KMT2E: variants seen among roughly 807,000 people sequenced by gnomAD.
The protein encoded by KMT2E is lysine methyltransferase 2E (inactive).
KMT2E carries 30 observed loss-of-function variants against 184.6 expected under a neutral mutation model. The ratio of observed to expected loss-of-function variants is 0.16; its 90% CI spans 0.12 to 0.22. KMT2E has a LOEUF of 0.22. Ranked by LOEUF, KMT2E falls within the 10% of genes least tolerant of loss-of-function variation. The pLI, the probability that KMT2E is intolerant of heterozygous loss-of-function variation, is 1.00. For synonymous variants in KMT2E, 815 were observed against 776.5 expected, an observed-to-expected ratio of 1.05 and a Z score of -0.82; for missense variants, 2,023 against 2,237.4, an observed-to-expected ratio of 0.90 and a Z score of 1.93.
chr7:105,073,621 A>G lies in KMT2E; in HGVS notation c.500A>G (p.Asn167Ser). 2 of 1,592,488 alleles carry G rather than the reference A, an allele frequency of 1.3e-6. No homozygotes were observed. The highest frequency in any genetic ancestry group is 1.3e-5 in the African/African-American group (1 of 74,602). The change falls in exon 7 of 27, where the codon AAT becomes AGT. Residue 167 changes from asparagine to serine, a missense_variant and splice_region_variant. Physicochemically the swap from Asn to Ser is conservative, Grantham distance 46. Around this residue, in one of 8 missense-constraint regions of KMT2E, gnomAD observed 30 missense variants for 80.6 expected, o/e 0.37. Coordinates refer to ENST00000311117, the MANE Select transcript of KMT2E (RefSeq NM_182931.3). ...ATTATGCTAATTTTTTAATGTAGGA[A>G]TTTGGATAAAGAGAGGGCAGTGCTA... ...TYLCERCQPR[N>S]LDKERAVLLQ...
chr7:105,107,119 C>A, intron 20 of KMT2E, 47 bp from the exon 21 acceptor site: 1 of 980,592 alleles, frequency 1.0e-6, no homozygotes, highest in Non-Finnish European at 1.5e-6. Context: ...TATGGATATA[C>A]TTACGTATTT....
chr7:105,064,028 C>T (rs1326711616), intron 5 of KMT2E: 1 of 455,152 alleles, frequency 2.2e-6, no homozygotes, highest in African/African-American at 2.0e-5. Context: ...AACCTTGCAG[C>T]ACTCTGGAGT....
At chr7:105,085,519 GC>G (rs558861972) in intron 13 of KMT2E, among the ~76,000 whole-genome samples, 42 of 152,178 alleles carry the variant, frequency 2.8e-4, no homozygotes, top group Non-Finnish European at 4.7e-4. Context: ...CTACACTCCA[GC>G]CTGGGCAACA....
rs954500321 is a variant in KMT2E at position 105,102,059 on chromosome 7, T to C, written c.2061T>C (p.Thr687=). The change falls in exon 17 of 27, where the codon ACT becomes ACC. Residue 687 remains threonine, a synonymous_variant. Transcript: ENST00000311117. ...IQPSSPDIEV[T]SQQNDIENTV... is the part of the protein sequence containing the mutation. Reference sequence around the variant, plus strand: ...CATCTTCTCCTGATATAGAAGTTACTTCACAACAAAATGATATTGAAAATA... The same window carrying C: ...CATCTTCTCCTGATATAGAAGTTACCTCACAACAAAATGATATTGAAAATA... 4 of 1,613,950 alleles carry C rather than the reference T, an allele frequency of 2.5e-6. No individual in the cohort carries two copies. In the Admixed American group the frequency reaches 5.0e-5, roughly 20 times the overall value.
At chr7:105,098,557 C>CACA (rs1798520463) in intron 15 of KMT2E, among the ~76,000 whole-genome samples, 2 of 152,104 alleles carry the variant, frequency 1.3e-5, no homozygotes, top group African/African-American at 4.8e-5. Context: ...AGGCGCGTGC[C>CACA]ACACCTGGCT....
At chr7:105,050,620 CCTTTT>C (rs986089503) in intron 3 of KMT2E, among the ~76,000 whole-genome samples, 48 of 147,872 alleles carry the variant, frequency 3.2e-4, no homozygotes, top group African/African-American at 1.0e-3. Context: ...TATTTTTTTT[CCTTTT>C]CTTTTCTTTT....
At chr7:105,022,927 GGAA>G (rs1795013546) in intron 1 of KMT2E, among the ~76,000 whole-genome samples, 1 of 151,926 alleles carries the variant, frequency 6.6e-6, no homozygotes, top group Non-Finnish European at 1.5e-5. Flanking sequence ...TAAATTTTAA[GGAA>G]GAAAAGTATA....
chr7:105,019,033 A>G (rs901397314), intron 1 of KMT2E, among the ~76,000 whole-genome samples: 1 of 152,138 alleles, frequency 6.6e-6, no homozygotes, highest in Admixed American at 6.5e-5. Flanking sequence ...AGCAATTGCA[A>G]TATTTTTAAT....
chr7:105,051,024 G>T (rs1211366529), intron 3 of KMT2E, among the ~76,000 whole-genome samples: 1 of 150,768 alleles, frequency 6.6e-6, no homozygotes, highest in African/African-American at 2.4e-5. Flanking sequence ...ACAGCACCAG[G>T]CCTCATCTAT....
At chr7:105,097,802 C>T (rs769590638) in intron 15 of KMT2E, among the ~76,000 whole-genome samples, 2 of 152,160 alleles carry the variant, frequency 1.3e-5, no homozygotes, top group East Asian at 3.8e-4. Context: ...AGTTACATGT[C>T]TTTAAGTAAC....
intron 6 of KMT2E, among the ~76,000 whole-genome samples, chr7:105,070,992 T>C (rs922448338): frequency 3.0e-4 from 46 of 152,212 alleles, no homozygotes; most frequent in African/African-American, 1.1e-3. Flanking sequence ...TAGACAAATA[T>C]ATAAAGCAAG....
intron 1 of KMT2E, among the ~76,000 whole-genome samples, chr7:105,033,074 G>A (rs955882055): frequency 2.0e-5 from 3 of 152,196 alleles, no homozygotes; most frequent in African/African-American, 7.2e-5. Context: ...AAGTACAAAT[G>A]CCTACTCTAC....
intron 26 of KMT2E, among the ~76,000 whole-genome samples, chr7:105,111,562 G>A (rs1799279119): frequency 6.6e-6 from 1 of 151,968 alleles, no homozygotes; most frequent in Non-Finnish European, 1.5e-5. Flanking sequence ...GCAGAGTAAA[G>A]TGAAAGAAAA....
At chr7:105,028,712 C>T (rs989481272) in intron 1 of KMT2E, among the ~76,000 whole-genome samples, 3 of 151,782 alleles carry the variant, frequency 2.0e-5, no homozygotes, top group African/African-American at 7.3e-5. Flanking sequence ...CCATGTTGTC[C>T]AGGGTGGTCT....
rs546611500 is a variant in KMT2E at position 105,041,266 on chromosome 7, A to C, written c.71+243A>C. Among the ~76,000 whole-genome samples the C allele has an allele frequency of 2.6e-5, 4 of 152,140 alleles. No individual in the cohort carries two copies. In the South Asian group the frequency reaches 8.3e-4, roughly 32 times the overall value. ...ATTATTGGATTGAGGTATTGACATGACTTATTTTGACTCCAAATTTCTGAG... is the reference window on the plus strand; with the variant it reads ...ATTATTGGATTGAGGTATTGACATGCCTTATTTTGACTCCAAATTTCTGAG... On this transcript the variant is annotated intron_variant, in intron 3 of 26. Coordinates refer to ENST00000311117, the MANE Select transcript of KMT2E (RefSeq NM_182931.3).
At chr7:105,086,594 G>A (rs186702655) in intron 13 of KMT2E, among the ~76,000 whole-genome samples, 20 of 151,672 alleles carry the variant, frequency 1.3e-4, no homozygotes, top group South Asian at 8.3e-4. Flanking sequence ...GTGTGGTGGC[G>A]CACATCTGTA....
chr7:105,111,144 A>T, intron 26 of KMT2E: 3 of 342,560 alleles, frequency 8.8e-6, no homozygotes, highest in Non-Finnish European at 1.1e-5. Context: ...AGTGGTGTCC[A>T]GGAAATTCAT....
At chr7:105,030,102 A>T (rs887322152) in intron 1 of KMT2E, among the ~76,000 whole-genome samples, 4 of 152,096 alleles carry the variant, frequency 2.6e-5, no homozygotes, top group African/African-American at 9.7e-5. Context: ...CTGTTCTAGA[A>T]CAATGTCTGT....
At chr7:105,087,795 A>G (rs1584780221) in intron 13 of KMT2E, among the ~76,000 whole-genome samples, 1 of 132,128 alleles carries the variant, frequency 7.6e-6, no homozygotes, top group Non-Finnish European at 1.6e-5. Context: ...TCATCTGTCC[A>G]TCTTTCTTTT....
Sources: gnomAD v4.1 joint callset for allele counts (sites outside exome capture counted in the v4.1 genomes callset) on GRCh38, gnomAD v4.1.1 for gene constraint, gnomAD v4.1.1 regional missense constraint, MANE v1.5 for transcripts, NCBI Gene and HGNC (gene_info 2026-07-23, HGNC 2026-07-21) for gene names.